Variants in CARMIL1 observed in about 807,000 individuals in gnomAD.
CARMIL1 encodes F-actin-uncapping protein LRRC16A.
Under a neutral mutation model 177.1 loss-of-function variants are expected in CARMIL1, and 90 were observed. That is an observed-to-expected ratio of 0.51 (90% CI 0.43 to 0.61). CARMIL1 has a LOEUF of 0.61. CARMIL1 is among the 20% of genes least tolerant of loss of function. The pLI is 0.00. For missense variants in CARMIL1, 1,380 were observed against 1,667.0 expected, an observed-to-expected ratio of 0.83 and a Z score of 3.00; for synonymous variants, 577 against 606.2, an observed-to-expected ratio of 0.95 and a Z score of 0.71.
At chr6:25,607,840 C>T (rs1261802152) in intron 35 of CARMIL1, among the ~76,000 whole-genome samples, 1 of 152,112 alleles carries the variant, frequency 6.6e-6, no homozygotes, top group Admixed American at 6.5e-5. Flanking sequence ...CAAAGAGAAG[C>T]CACAAAGAAA....
intron 2 of CARMIL1, among the ~76,000 whole-genome samples, chr6:25,381,900 C>T (rs927341171): frequency 5.3e-5 from 8 of 152,100 alleles, no homozygotes; most frequent in Admixed American, 6.6e-5. Flanking sequence ...CCTCAAATTT[C>T]GTGGTTGGTT....
intron 29 of CARMIL1, among the ~76,000 whole-genome samples, chr6:25,564,335 T>C (rs1562290146): frequency 6.6e-6 from 1 of 152,142 alleles, no homozygotes; most frequent in Non-Finnish European, 1.5e-5. Context: ...CTGGAGAGCC[T>C]CTTCTAAATA....
At chr6:25,327,312 A>G (rs1188184739) in intron 2 of CARMIL1, among the ~76,000 whole-genome samples, 2 of 152,224 alleles carry the variant, frequency 1.3e-5, no homozygotes, top group South Asian at 2.1e-4. Flanking sequence ...AACTGGTTTC[A>G]TGGGGAAATA....
At chr6:25,399,903 T>C (rs563037344) in intron 2 of CARMIL1, among the ~76,000 whole-genome samples, 1 of 152,334 alleles carries the variant, frequency 6.6e-6, no homozygotes, top group South Asian at 2.1e-4. Flanking sequence ...TAAAAAGTTT[T>C]ATATACATCC....
chr6:25,380,986 G>A (rs535935926), intron 2 of CARMIL1, among the ~76,000 whole-genome samples: 45 of 152,062 alleles, frequency 3.0e-4, no homozygotes, highest in African/African-American at 8.7e-4. Context: ...CTATATTTTC[G>A]TTTCTCTTTA....
At chr6:25,525,012 T>C (rs567209007) in intron 23 of CARMIL1, among the ~76,000 whole-genome samples, 196 of 152,134 alleles carry the variant, frequency 1.3e-3, no homozygotes, top group African/African-American at 4.4e-3. Context: ...AACTTGCTAC[T>C]AATGGGAATA....
At chr6:25,576,057 C>T (rs1025678192) in intron 29 of CARMIL1, among the ~76,000 whole-genome samples, 3 of 152,176 alleles carry the variant, frequency 2.0e-5, no homozygotes, top group Admixed American at 6.5e-5. Context: ...TTCACAAAGA[C>T]TTGCATTCTA....
chr6:25,553,740 G>T (rs547683979), intron 27 of CARMIL1, among the ~76,000 whole-genome samples: 4 of 152,234 alleles, frequency 2.6e-5, no homozygotes, highest in South Asian at 4.1e-4. Flanking sequence ...TCTTTATCCA[G>T]ACGTTTTTCA....
At chr6:25,341,882 A>T (rs146457573) in intron 2 of CARMIL1, among the ~76,000 whole-genome samples, 145 of 152,378 alleles carry the variant, frequency 9.5e-4, no homozygotes, top group African/African-American at 3.1e-3. Flanking sequence ...CAAGTCCATG[A>T]TGATCTGTGA....
chr6:25,307,269 A>G (rs1454432473), intron 2 of CARMIL1, among the ~76,000 whole-genome samples: 2 of 152,228 alleles, frequency 1.3e-5, no homozygotes, highest in Non-Finnish European at 2.9e-5. Context: ...TTTAAATTAG[A>G]AAAGTGAACA....
chr6:25,436,115 T>G (rs1230859985), intron 5 of CARMIL1, among the ~76,000 whole-genome samples: 8 of 152,150 alleles, frequency 5.3e-5, no homozygotes, highest in Admixed American at 6.5e-5. Flanking sequence ...TATTAGTAAA[T>G]TTCGTTCATC....
chr6:25,507,516 A>T (rs549259765), intron 17 of CARMIL1: 13 of 152,750 alleles, frequency 8.5e-5, no homozygotes, highest in African/African-American at 2.9e-4. Context: ...ATCAATTAGA[A>T]TATATTGATA....
rs1810835556 is a variant in CARMIL1 at position 25,558,539 on chromosome 6, T to C, written c.2742+1689T>C. ...GGAGGAAAGGAATAATTTTAAAAAA[T>C]GCAGTTGGAAGACCACCCTCAGAAC... On this transcript the variant is annotated intron_variant, in intron 29 of 36. Transcript: ENST00000329474. This position sits in a 1 kb window ranked among gnomAD's most constrained non-coding sequence, Gnocchi z 4.1. Among the ~76,000 whole-genome samples the C allele has an allele frequency of 6.6e-6, 1 of 152,164 alleles. No individual in the cohort carries two copies. Among genetic ancestry groups the C allele is most frequent in the Non-Finnish European group, 1.5e-5 (1 of 68,020 alleles).
chr6:25,591,467 G>C (rs1270800688), intron 31 of CARMIL1, among the ~76,000 whole-genome samples: 1 of 152,172 alleles, frequency 6.6e-6, no homozygotes, highest in Admixed American at 6.5e-5. Context: ...TGAGGTTTTT[G>C]CTCCCTCCTT....
At position 25,444,094 on chromosome 6, in the gene CARMIL1, C is replaced by T. The variant is rs553298350; in HGVS notation, c.372-5804C>T. Among the ~76,000 whole-genome samples the T allele has an allele frequency of 8.5e-5, 13 of 152,234 alleles. No homozygotes were observed. In the South Asian group the frequency reaches 1.0e-3, roughly 12 times the overall value. On this transcript the variant is annotated intron_variant, in intron 5 of 36. Coordinates refer to ENST00000329474, the MANE Select transcript of CARMIL1 (RefSeq NM_017640.6). The stretch of plus-strand genomic sequence containing the variant: ...CTGGGATTACAGGCATGAGCCACTG[C>T]GCCTGGACTTACAATTTCTTAAAAT...
intron 9 of CARMIL1, among the ~76,000 whole-genome samples, chr6:25,469,692 G>A (rs1215948299): frequency 6.6e-6 from 1 of 151,994 alleles, no homozygotes; most frequent in Non-Finnish European, 1.5e-5. Flanking sequence ...TGAGTAGCTG[G>A]GACTGCAGGC....
At chr6:25,464,393 A>G (rs1180533542) in intron 8 of CARMIL1, among the ~76,000 whole-genome samples, 2 of 152,146 alleles carry the variant, frequency 1.3e-5, no homozygotes, top group African/African-American at 4.8e-5. Context: ...CTGAACATCT[A>G]TTCCTTCATC....
intron 2 of CARMIL1, among the ~76,000 whole-genome samples, chr6:25,325,049 T>A (rs1784963661): frequency 6.6e-6 from 1 of 152,124 alleles, no homozygotes; most frequent in Admixed American, 6.5e-5. Context: ...CTTTCCTATG[T>A]GGCAACATTA....
intron 27 of CARMIL1, among the ~76,000 whole-genome samples, chr6:25,552,911 A>G (rs1459013491): frequency 6.6e-6 from 1 of 152,198 alleles, no homozygotes; most frequent in Non-Finnish European, 1.5e-5. Flanking sequence ...TATTTTTAAT[A>G]TGAGACCTGG....
Sources: allele counts gnomAD v4.1 joint callset (sites outside exome capture counted in the v4.1 genomes callset), GRCh38; gene constraint gnomAD v4.1.1; non-coding constraint Gnocchi (gnomAD v3.1); transcripts MANE v1.5; gene names NCBI Gene and HGNC (gene_info 2026-07-23, HGNC 2026-07-21).